The following MARCHF1 variants were observed in gnomAD, a reference collection of about 807,000 sequenced individuals.
MARCHF1 encodes E3 ubiquitin-protein ligase MARCHF1.
MARCHF1 carries 40 observed loss-of-function variants against 54.2 expected under a neutral mutation model. The ratio of observed to expected loss-of-function variants is 0.74; its 90% CI spans 0.57 to 0.96. MARCHF1 has a LOEUF of 0.96. Among genes scored for constraint, MARCHF1 ranks in the 40% least tolerant of loss-of-function variants. The pLI, the probability that MARCHF1 is intolerant of heterozygous loss-of-function variation, is 0.00. For synonymous variants in MARCHF1, 236 were observed against 236.3 expected (o/e 1.00, Z 0.01); for missense variants, 586 against 656.5 (o/e 0.89, Z 1.17).
chr4:164,054,525 C>T (rs1326369198), intron 2 of MARCHF1, among the ~76,000 whole-genome samples: 4 of 151,972 alleles, frequency 2.6e-5, no homozygotes, highest in African/African-American at 9.7e-5. Flanking sequence ...GGAACCAACC[C>T]AAATGTCCAA....
At chr4:164,277,261 G>T (rs1389783525) in intron 1 of MARCHF1, among the ~76,000 whole-genome samples, 1 of 152,078 alleles carries the variant, frequency 6.6e-6, no homozygotes, top group East Asian at 1.9e-4. Context: ...TATCACCAGG[G>T]GCTACAGCAA....
At chr4:164,151,948 G>A (rs571072494) in intron 1 of MARCHF1, among the ~76,000 whole-genome samples, 11 of 152,014 alleles carry the variant, frequency 7.2e-5, no homozygotes, top group African/African-American at 2.7e-4. Flanking sequence ...TTCTTGGTTG[G>A]GCAGCTGTTG....
chr4:163,812,771 CAA>C (rs965274233), intron 4 of MARCHF1, among the ~76,000 whole-genome samples: 1 of 151,954 alleles, frequency 6.6e-6, no homozygotes, highest in African/African-American at 2.4e-5. Context: ...ATGACAACAA[CAA>C]ACAAAAAACA....
At position 163,613,055 on chromosome 4, in the gene MARCHF1, G is replaced by A; in HGVS notation, c.243-17C>T. On this transcript the variant is annotated splice_polypyrimidine_tract_variant and intron_variant, in intron 6 of 9. Transcript: ENST00000514618. ...ATGGCAGATCTAGACAGAGCAGCAG[G>A]CAAAGGATGGGAAATGGGAATGGAG... 6.9e-7 allele frequency: 1 copy of A among 1,457,754 alleles called. No homozygotes were observed. Among genetic ancestry groups the A allele is most frequent in the Non-Finnish European group, 9.0e-7 (1 of 1,114,916 alleles). The allele number at this position is 1,457,754 out of a possible 1,614,324, so 90.3% of individuals were successfully genotyped here.
chr4:164,190,525 G>A (rs1179532299), intron 1 of MARCHF1, among the ~76,000 whole-genome samples: 1 of 152,146 alleles, frequency 6.6e-6, no homozygotes, highest in African/African-American at 2.4e-5. Context: ...TCAGGTAGGG[G>A]GCAGAAGAAT....
intron 1 of MARCHF1, among the ~76,000 whole-genome samples, chr4:164,291,818 T>A (rs899875596): frequency 1.8e-4 from 28 of 152,178 alleles, no homozygotes; most frequent in African/African-American, 6.5e-4. Flanking sequence ...ATGGAGTTGG[T>A]TGTTGTTGGA....
At chr4:163,876,951 G>A (rs994073302) in intron 3 of MARCHF1, among the ~76,000 whole-genome samples, 18 of 151,950 alleles carry the variant, frequency 1.2e-4, no homozygotes, top group African/African-American at 3.6e-4. Flanking sequence ...AGGCCATAAC[G>A]AAAAAGATAA....
intron 2 of MARCHF1, among the ~76,000 whole-genome samples, chr4:164,037,795 T>C (rs1205121899): frequency 2.0e-5 from 3 of 152,188 alleles, no homozygotes; most frequent in African/African-American, 4.8e-5. Flanking sequence ...GTACCCTTGA[T>C]ATGATGTGAT....
chr4:164,093,450 G>C (rs1755346098), intron 2 of MARCHF1, among the ~76,000 whole-genome samples: 1 of 152,138 alleles, frequency 6.6e-6, no homozygotes. Context: ...TAGACACTGA[G>C]AAATGAAAAG....
At chr4:164,345,364 C>G (rs1268789016) in intron 1 of MARCHF1, among the ~76,000 whole-genome samples, 1 of 152,020 alleles carries the variant, frequency 6.6e-6, no homozygotes, top group East Asian at 1.9e-4. Flanking sequence ...TCCAGCAGTT[C>G]AAGACCAGCC....
chr4:163,640,826 A>G (rs946404662), intron 5 of MARCHF1, among the ~76,000 whole-genome samples: 2 of 152,102 alleles, frequency 1.3e-5, no homozygotes, highest in Non-Finnish European at 2.9e-5. Context: ...TCTTTAGGGT[A>G]ATAATTTAAA....
At position 164,132,499 on chromosome 4, in the gene MARCHF1, A is replaced by G. The variant is rs572745799; in HGVS notation, c.-322-20837T>C. ...GCATTACCTCAAAAAGTAAAAATTT[A>G]CCACCTTGACCCACTATTAGTGATC... On this transcript the variant is annotated intron_variant, in intron 1 of 9. Transcript: ENST00000514618. 2.3e-3 allele frequency among the ~76,000 whole-genome samples: 354 copies of G among 152,270 alleles called. 3 individuals are homozygous for G. The highest frequency in any genetic ancestry group is 8.0e-3 in the African/African-American group (333 of 41,564).
chr4:163,606,398 C>G (rs1401334019), intron 7 of MARCHF1, among the ~76,000 whole-genome samples: 1 of 151,976 alleles, frequency 6.6e-6, no homozygotes, highest in Non-Finnish European at 1.5e-5. Context: ...AGGCAGGACT[C>G]CTATGTTCAA....
intron 2 of MARCHF1, among the ~76,000 whole-genome samples, chr4:164,072,540 G>A (rs759478813): frequency 5.7e-4 from 87 of 152,036 alleles, no homozygotes; most frequent in Admixed American, 9.2e-4. Flanking sequence ...CAGCCTAGGC[G>A]ACAGAGTGAG....
intron 1 of MARCHF1, among the ~76,000 whole-genome samples, chr4:164,240,879 G>A (rs1010811491): frequency 6.6e-6 from 1 of 152,088 alleles, no homozygotes; most frequent in African/African-American, 2.4e-5. Flanking sequence ...CACAGGGTTA[G>A]AATTATGAGA....
At chr4:164,090,609 T>A (rs1035875437) in intron 2 of MARCHF1, among the ~76,000 whole-genome samples, 1 of 151,964 alleles carries the variant, frequency 6.6e-6, no homozygotes, top group African/African-American at 2.4e-5. Context: ...CAAAAATTCA[T>A]AACAGAAAAA....
At chr4:163,980,850 ATAAT>A (rs1234194363) in intron 3 of MARCHF1, among the ~76,000 whole-genome samples, 33 of 152,246 alleles carry the variant, frequency 2.2e-4, no homozygotes, top group Non-Finnish European at 2.9e-4. Context: ...ATAAGTTTTG[ATAAT>A]TAATTTTGAA....
intron 4 of MARCHF1, among the ~76,000 whole-genome samples, chr4:163,804,722 G>A (rs1257284880): frequency 6.6e-6 from 1 of 152,086 alleles, no homozygotes; most frequent in Non-Finnish European, 1.5e-5. Context: ...AGAATAGAGA[G>A]CCAAAATTTA....
In MARCHF1 at chr4:163,637,852, A is replaced by C. The variant is rs1480715139; in HGVS notation, c.163-24459T>G. 8.5e-3 allele frequency among the ~76,000 whole-genome samples: 1,298 copies of C among 151,818 alleles called. 8 individuals carry two copies. The highest frequency in any genetic ancestry group is 0.028 in the African/African-American group (1,177 of 41,400). ...AGACTTGGAACCAACCCAAATGTCC[A>C]ACAATGATAGACTGGATTAAGAAAA... On this transcript the variant is annotated intron_variant, in intron 5 of 9. Transcript: ENST00000514618.
Sources: allele counts gnomAD v4.1 joint callset (sites outside exome capture counted in the v4.1 genomes callset), GRCh38; gene constraint gnomAD v4.1.1; transcripts MANE v1.5; gene names NCBI Gene and HGNC (gene_info 2026-07-23, HGNC 2026-07-21).